The following HHIP variants were observed in gnomAD, a reference collection of about 807,000 sequenced individuals.
HHIP encodes hedgehog interacting protein.
A neutral mutation model predicts 74.0 loss-of-function variants in HHIP; 12 were observed. That is an observed-to-expected ratio of 0.16 (90% CI 0.10 to 0.26). The LOEUF is 0.26. HHIP is among the 10% of genes least tolerant of loss of function. HHIP has a pLI of 1.00. For missense variants in HHIP, 788 were observed against 845.0 expected (o/e 0.93, Z 0.84); for synonymous variants, 309 against 311.6 (o/e 0.99, Z 0.09).
intron 7 of HHIP, among the ~76,000 whole-genome samples, chr4:144,710,191 T>C (rs1730254128): frequency 6.6e-6 from 1 of 152,192 alleles, no homozygotes; most frequent in African/African-American, 2.4e-5. Context: ...ATTTGCTGTT[T>C]CTTGTTGGAA....
chr4:144,660,907 T>C (rs2126590880), intron 4 of HHIP, among the ~76,000 whole-genome samples: 1 of 152,300 alleles, frequency 6.6e-6, no homozygotes, highest in Admixed American at 6.5e-5. Context: ...CCATAATACA[T>C]ATTGCCAATT....
chr4:144,688,866 A>G (rs1023406665), intron 4 of HHIP, among the ~76,000 whole-genome samples: 2 of 152,176 alleles, frequency 1.3e-5, no homozygotes, highest in African/African-American at 4.8e-5. Flanking sequence ...ATGAATTTAA[A>G]GTGGGAGCAC....
At chr4:144,737,447 T>C (rs1357679467) in intron 12 of HHIP, among the ~76,000 whole-genome samples, 1 of 152,222 alleles carries the variant, frequency 6.6e-6, no homozygotes, top group African/African-American at 2.4e-5. Context: ...AGAATGCTCC[T>C]GTGAAGCAGA....
intron 1 of HHIP, among the ~76,000 whole-genome samples, chr4:144,652,017 C>G (rs1234510328): frequency 2.0e-5 from 3 of 152,014 alleles, no homozygotes. Flanking sequence ...TTTGATTTCA[C>G]TTTGGATATT....
At position 144,739,268 on chromosome 4, in the gene HHIP, A is replaced by G. The variant is rs1284985413; in HGVS notation, c.*1311A>G. The G allele has an allele frequency of 6.6e-6, 1 of 152,244 alleles. No homozygotes were observed. Among genetic ancestry groups the G allele is most frequent in the Non-Finnish European group, 1.5e-5 (1 of 68,050 alleles). 9.4% of individuals were successfully genotyped at this position (152,244 alleles called of 1,614,324 possible). A position where few individuals can be genotyped will look rare whatever the true frequency, so the allele number is the denominator to read the frequency against. On this transcript the variant is annotated 3_prime_UTR_variant, in exon 13 of 13. Transcript: ENST00000296575. The stretch of plus-strand genomic sequence containing the variant: ...GTAGATATTTTTCTTCATGGTTTTC[A>G]AAGCCAGCTCTCCACGTTTGGATTT...
At chr4:144,724,658 G>C (rs1451241727) in intron 11 of HHIP, among the ~76,000 whole-genome samples, 6 of 126,754 alleles carry the variant, frequency 4.7e-5, no homozygotes, top group African/African-American at 1.7e-4. Flanking sequence ...TTGTGTGTGT[G>C]TGTGTGTGTG....
chr4:144,707,054 C>T lies in HHIP; in HGVS notation c.984-33C>T, dbSNP rs774772524. 8.8e-6 allele frequency: 14 copies of T among 1,583,758 alleles called. No individual in the cohort carries two copies. In the East Asian group the frequency reaches 1.1e-4, roughly 13 times the overall value. On this transcript the variant is annotated intron_variant, in intron 5 of 12. Coordinates refer to ENST00000296575, the MANE Select transcript of HHIP (RefSeq NM_022475.3). ...GATGGACTCATCTTAAATCTTTTAACAGTCATGGTATTGTTTTCTTCCCAC... is the reference window on the plus strand; with the variant it reads ...GATGGACTCATCTTAAATCTTTTAATAGTCATGGTATTGTTTTCTTCCCAC...
intron 2 of HHIP, among the ~76,000 whole-genome samples, chr4:144,657,960 A>T (rs974338480): frequency 6.6e-6 from 1 of 152,216 alleles, no homozygotes; most frequent in African/African-American, 2.4e-5. Context: ...TTATTATAGC[A>T]TATAATGACC....
chr4:144,679,815 A>G (rs1031813339), intron 4 of HHIP, among the ~76,000 whole-genome samples: 1 of 152,214 alleles, frequency 6.6e-6, no homozygotes, highest in African/African-American at 2.4e-5. Context: ...TATACTTTGA[A>G]ATATGCAGGA....
At chr4:144,716,854 GAAAAAAAAAAAAAAAA>G (rs869028218) in intron 10 of HHIP, among the ~76,000 whole-genome samples, 2,857 of 54,922 alleles carry the variant, frequency 0.052, 81 homozygotes, top group African/African-American at 0.16. Context: ...CGTCTCAAAA[GAAAAAAAAAAAAAAAA>G]AAAAAAAAAA....
At chr4:144,724,451 G>A (rs755764464) in intron 11 of HHIP, among the ~76,000 whole-genome samples, 8 of 151,780 alleles carry the variant, frequency 5.3e-5, no homozygotes, top group Non-Finnish European at 8.8e-5. Flanking sequence ...GTCACCCACA[G>A]CTATTAAAGA....
intron 4 of HHIP, among the ~76,000 whole-genome samples, chr4:144,667,196 A>C (rs2126600421): frequency 6.6e-6 from 1 of 152,248 alleles, no homozygotes; most frequent in East Asian, 1.9e-4. Context: ...CCAAAAATTT[A>C]AACATTAGCC....
At chr4:144,701,590 G>C (rs773784602) in intron 4 of HHIP, among the ~76,000 whole-genome samples, 15 of 151,944 alleles carry the variant, frequency 9.9e-5, no homozygotes, top group Non-Finnish European at 2.1e-4. Context: ...TATTCTTATT[G>C]ATTGTTTATC....
intron 4 of HHIP, among the ~76,000 whole-genome samples, chr4:144,702,375 T>C (rs969120586): frequency 2.0e-5 from 3 of 152,194 alleles, no homozygotes; most frequent in Non-Finnish European, 4.4e-5. Context: ...GTCTATTTTC[T>C]GTGGACCCTG....
At chr4:144,708,092 C>G in intron 6 of HHIP, 76 bp from the exon 7 acceptor site, 1 of 1,459,052 alleles carries the variant, frequency 6.9e-7, no homozygotes, top group South Asian at 1.2e-5. Flanking sequence ...ATCAATAGAG[C>G]AACCTCACCA....
rs1731346200 is a variant in HHIP, at chr4:144,745,091, A to G, written c.*7134A>G. 6.6e-6 allele frequency: 1 copy of G among 152,180 alleles called. No homozygotes were observed. The highest frequency in any genetic ancestry group is 2.1e-4 in the South Asian group (1 of 4,838). 9.4% of individuals were successfully genotyped at this position (152,180 alleles called of 1,614,324 possible). A position where few individuals can be genotyped will look rare whatever the true frequency, so the allele number is the denominator to read the frequency against. ...GTATCTTGAAGTGGTAAATGCAGAG[A>G]ATTGGTTTTATTGTTGATCTGTGGA... On this transcript the variant is annotated 3_prime_UTR_variant, in exon 13 of 13. Transcript: ENST00000296575.
chr4:144,691,906 A>T (rs77425510), intron 4 of HHIP, among the ~76,000 whole-genome samples: 63 of 151,558 alleles, frequency 4.2e-4, no homozygotes, highest in South Asian at 2.5e-3. Context: ...GAAAAAAAAA[A>T]TTTTCCTATT....
chr4:144,698,711 G>A (rs981266763), intron 4 of HHIP, among the ~76,000 whole-genome samples: 6 of 152,178 alleles, frequency 3.9e-5, no homozygotes, highest in Admixed American at 3.9e-4. Context: ...GAATTGATAC[G>A]TCCTTCGTTT....
chr4:144,713,262 A>G (rs773027100), intron 8 of HHIP, among the ~76,000 whole-genome samples: 19 of 152,116 alleles, frequency 1.2e-4, no homozygotes, highest in Non-Finnish European at 2.5e-4. Flanking sequence ...AAAGTGGCAG[A>G]GTCTGGATTT....
Sources: allele counts gnomAD v4.1 joint callset (sites outside exome capture counted in the v4.1 genomes callset), GRCh38; gene constraint gnomAD v4.1.1; transcripts MANE v1.5; gene names NCBI Gene and HGNC (gene_info 2026-07-23, HGNC 2026-07-21).